CTNNA3: variants seen among roughly 807,000 people sequenced by gnomAD.
The protein encoded by CTNNA3 is catenin alpha 3, also known as catenin alpha-3.
CTNNA3 carries 76 observed loss-of-function variants against 95.7 expected under a neutral mutation model. That is an observed-to-expected ratio of 0.79 (90% CI 0.66 to 0.96). The LOEUF (loss-of-function observed/expected upper bound fraction) is 0.96. Ranked by LOEUF, CTNNA3 falls within the 40% of genes least tolerant of loss-of-function variation. CTNNA3 has a pLI of 0.00. For synonymous variants in CTNNA3, 431 were observed against 374.4 expected (o/e 1.15, Z -1.74); for missense variants, 1,191 against 1,089.8 (o/e 1.09, Z -1.31).
rs1270106262 is a variant in CTNNA3 at position 67,145,416 on chromosome 10, T to C, written c.1047+34901A>G. ...TAATAAAGGAACTAAGCTGACATTA[T>C]TATTTTTTAAATTTTTTTAGTTTTT... On this transcript the variant is annotated intron_variant, in intron 7 of 17. Coordinates refer to ENST00000433211, the MANE Select transcript of CTNNA3 (RefSeq NM_013266.4). Among the ~76,000 whole-genome samples the C allele has an allele frequency of 6.9e-5, 10 of 144,884 alleles. No individual in the cohort carries two copies. In the Admixed American group the frequency reaches 7.1e-4, roughly 10 times the overall value.
intron 7 of CTNNA3, among the ~76,000 whole-genome samples, chr10:66,789,281 C>T (rs1044273443): frequency 2.0e-4 from 31 of 151,836 alleles, no homozygotes; most frequent in African/African-American, 4.8e-4. Context: ...GGTTCAAGTG[C>T]TTCTCCTGAC....
At chr10:67,125,650 G>A (rs1381343269) in intron 7 of CTNNA3, among the ~76,000 whole-genome samples, 2 of 152,160 alleles carry the variant, frequency 1.3e-5, no homozygotes, top group Non-Finnish European at 2.9e-5. Context: ...CAGTGGGGTT[G>A]TACCGTAAAC....
chr10:66,055,419 G>T (rs1465780129), intron 15 of CTNNA3, among the ~76,000 whole-genome samples: 1 of 151,848 alleles, frequency 6.6e-6, no homozygotes. Context: ...CAGTTTTATT[G>T]TACAGATATT....
intron 13 of CTNNA3, among the ~76,000 whole-genome samples, chr10:66,231,124 C>T (rs762664856): frequency 1.3e-5 from 2 of 152,086 alleles, no homozygotes; most frequent in Non-Finnish European, 2.9e-5. Context: ...CCAGGCAGCT[C>T]TCTATACTTG....
intron 7 of CTNNA3, among the ~76,000 whole-genome samples, chr10:66,977,021 C>T (rs1850076281): frequency 6.6e-6 from 1 of 152,062 alleles, no homozygotes; most frequent in Admixed American, 6.6e-5. Context: ...CAAATGCTTC[C>T]AGGAGAATTA....
chr10:66,549,403 T>C (rs540502878), intron 10 of CTNNA3, among the ~76,000 whole-genome samples: 1 of 152,324 alleles, frequency 6.6e-6, no homozygotes, highest in East Asian at 1.9e-4. Context: ...ATCGTTTTTA[T>C]TATTGATCTG....
chr10:67,563,417 G>T (rs1027002341), intron 3 of CTNNA3, among the ~76,000 whole-genome samples: 1 of 152,170 alleles, frequency 6.6e-6, no homozygotes, highest in Non-Finnish European at 1.5e-5. Flanking sequence ...AATAAATGGT[G>T]CTGGGAAAAC....
chr10:67,482,130 C>T (rs1313471863), intron 5 of CTNNA3, among the ~76,000 whole-genome samples: 3 of 150,816 alleles, frequency 2.0e-5, no homozygotes, highest in East Asian at 1.9e-4. Context: ...GTACCAGTAC[C>T]ATGCTGTTTT....
At chr10:66,295,974 C>T (rs1317425492) in intron 12 of CTNNA3, among the ~76,000 whole-genome samples, 1 of 152,116 alleles carries the variant, frequency 6.6e-6, no homozygotes, top group African/African-American at 2.4e-5. Flanking sequence ...TTTCCTTAGT[C>T]TTTCTTAATG....
chr10:67,294,585 C>T (rs1839961811), intron 5 of CTNNA3, among the ~76,000 whole-genome samples: 1 of 151,672 alleles, frequency 6.6e-6, no homozygotes, highest in Admixed American at 6.6e-5. Flanking sequence ...TATCATGCAC[C>T]TGAAACTTGC....
rs1272360708 is a variant in CTNNA3 at position 66,318,304 on chromosome 10, GTGTA to G, written c.1733-37687_1733-37684del. On this transcript the variant is annotated intron_variant, in intron 12 of 17. Coordinates refer to ENST00000433211, the MANE Select transcript of CTNNA3 (RefSeq NM_013266.4). ...TGTGTGTGTGTGTGTGTGTGTGTGT[GTGTA>G]TGTGTGCACGCGAATTTGGATAAGT... is the stretch of plus-strand genomic sequence containing the variant. 8.0e-4 allele frequency among the ~76,000 whole-genome samples: 122 copies of G among 151,592 alleles called. 1 individual carries two copies. The highest frequency in any genetic ancestry group is 3.4e-3 in the Middle Eastern group (1 of 294).
At chr10:67,066,465 G>A (rs997888551) in intron 7 of CTNNA3, among the ~76,000 whole-genome samples, 2 of 149,404 alleles carry the variant, frequency 1.3e-5, no homozygotes, top group African/African-American at 2.5e-5. Context: ...TGCTAGAATT[G>A]TAGGTGTGAA....
At chr10:66,554,641 A>T (rs1172916379) in intron 10 of CTNNA3, among the ~76,000 whole-genome samples, 1 of 152,090 alleles carries the variant, frequency 6.6e-6, no homozygotes, top group Non-Finnish European at 1.5e-5. Flanking sequence ...CCATTCACTG[A>T]GTTATCATTT....
At chr10:67,359,680 C>G (rs139784577) in intron 5 of CTNNA3, among the ~76,000 whole-genome samples, 2,075 of 152,068 alleles carry the variant, frequency 0.014, 51 homozygotes, top group African/African-American at 0.047. Flanking sequence ...TTTGATGAAC[C>G]TTTTAAAGCC....
intron 5 of CTNNA3, among the ~76,000 whole-genome samples, chr10:67,302,416 A>G (rs1840365345): frequency 6.6e-6 from 1 of 152,212 alleles, no homozygotes; most frequent in Non-Finnish European, 1.5e-5. Context: ...AAGAAAATAG[A>G]TTTTAAGTGT....
At chr10:67,371,503 G>C (rs1843463958) in intron 5 of CTNNA3, among the ~76,000 whole-genome samples, 1 of 151,422 alleles carries the variant, frequency 6.6e-6, no homozygotes, top group African/African-American at 2.4e-5. Context: ...CCTTGCAATA[G>C]TTTGCTGAGA....
At chr10:66,604,782 T>G (rs943963096) in intron 10 of CTNNA3, among the ~76,000 whole-genome samples, 1 of 52,764 alleles carries the variant, frequency 1.9e-5, no homozygotes, top group African/African-American at 1.0e-4. Context: ...TCAAATAGGA[T>G]AAAAGCAAAA....
At chr10:66,781,955 G>T (rs1005631534) in intron 7 of CTNNA3, among the ~76,000 whole-genome samples, 1 of 152,088 alleles carries the variant, frequency 6.6e-6, no homozygotes, top group African/African-American at 2.4e-5. Flanking sequence ...TCCCATCTCA[G>T]ACTTAAGCCA....
At chr10:67,006,824 C>T (rs1308841566) in intron 7 of CTNNA3, among the ~76,000 whole-genome samples, 6 of 151,236 alleles carry the variant, frequency 4.0e-5, no homozygotes, top group African/African-American at 1.2e-4. Flanking sequence ...GATGGAGTCT[C>T]ACTCTGTTGC....
Sources: allele counts gnomAD v4.1 joint callset (sites outside exome capture counted in the v4.1 genomes callset), GRCh38; gene constraint gnomAD v4.1.1; transcripts MANE v1.5; gene names NCBI Gene and HGNC (gene_info 2026-07-23, HGNC 2026-07-21).